ZNF566: variants seen among roughly 807,000 people sequenced by gnomAD.
The protein encoded by ZNF566 is zinc finger protein 566.
Under a neutral mutation model 32.8 loss-of-function variants are expected in ZNF566, and 27 were observed. That is an observed-to-expected ratio of 0.82 (90% confidence interval 0.61 to 1.14). The LOEUF (loss-of-function observed/expected upper bound fraction) is 1.14. Ranked by LOEUF, ZNF566 falls within the 50% of genes most tolerant of loss-of-function variation. The pLI, the probability that ZNF566 is intolerant of heterozygous loss-of-function variation, is 0.00. For missense variants in ZNF566, 402 were observed against 490.4 expected, an observed-to-expected ratio of 0.82 and a Z score of 1.70; for synonymous variants, 154 against 159.5, an observed-to-expected ratio of 0.97 and a Z score of 0.26.
In ZNF566 at chr19:36,463,268, A is replaced by C. The variant is rs147807679; in HGVS notation, c.232+9643T>G. On this transcript the variant is annotated intron_variant, in intron 4 of 4. Transcript: ENST00000452939. ...CAGTGAGCTGTGGGTTCACCACTAC[A>C]CTCCAGCTGGAATTATCTCTGTCTA... 1.8e-3 allele frequency among the ~76,000 whole-genome samples: 267 copies of C among 152,142 alleles called. 2 individuals are homozygous for C. The highest frequency in any genetic ancestry group is 2.8e-3 in the Admixed American group (42 of 15,268).
At chr19:36,455,868 T>C (rs910288837) in intron 4 of ZNF566, among the ~76,000 whole-genome samples, 1 of 151,788 alleles carries the variant, frequency 6.6e-6, no homozygotes, top group African/African-American at 2.4e-5. Context: ...GTGAAACCTC[T>C]CTCTACTAAA....
chr19:36,457,111 T>C (rs1228198526), intron 4 of ZNF566, among the ~76,000 whole-genome samples: 2 of 152,126 alleles, frequency 1.3e-5, no homozygotes, highest in Non-Finnish European at 2.9e-5. Flanking sequence ...GCATTTATGG[T>C]CATTGGATTT....
intron 2 of ZNF566, 99 bp downstream of exon 2, chr19:36,476,450 T>TC: frequency 1.7e-6 from 2 of 1,158,124 alleles, no homozygotes; most frequent in East Asian, 2.4e-5. Flanking sequence ...AAGGTGTTGT[T>TC]TTTCTAACAT....
At chr19:36,468,343 C>T (rs578124316) in intron 4 of ZNF566, among the ~76,000 whole-genome samples, 9 of 151,820 alleles carry the variant, frequency 5.9e-5, no homozygotes, top group African/African-American at 2.2e-4. Flanking sequence ...AAGTGGCTTG[C>T]TCCTGTAATC....
At chr19:36,484,262 G>A (rs2034102049) in intron 1 of ZNF566, among the ~76,000 whole-genome samples, 1 of 152,210 alleles carries the variant, frequency 6.6e-6, no homozygotes, top group Non-Finnish European at 1.5e-5. Flanking sequence ...GACTCAGCTT[G>A]TTACAGGCAC....
intron 1 of ZNF566, among the ~76,000 whole-genome samples, chr19:36,486,690 T>A (rs866120835): frequency 3.1e-3 from 338 of 109,042 alleles, no homozygotes; most frequent in Middle Eastern, 0.029. Flanking sequence ...AAAAAAAAAA[T>A]GAAAGAAAGA....
chr19:36,458,293 A>C (rs1192230945), intron 4 of ZNF566, among the ~76,000 whole-genome samples: 1 of 152,172 alleles, frequency 6.6e-6, no homozygotes, highest in Non-Finnish European at 1.5e-5. Flanking sequence ...GTGTGTATAT[A>C]TACAAATACA....
intron 4 of ZNF566, among the ~76,000 whole-genome samples, chr19:36,451,793 G>A (rs2033164667): frequency 6.6e-6 from 1 of 152,256 alleles, no homozygotes; most frequent in Non-Finnish European, 1.5e-5. Context: ...CGATCACGAG[G>A]TCAGGAGTTT....
intron 4 of ZNF566, among the ~76,000 whole-genome samples, chr19:36,454,404 T>A (rs867514665): frequency 2.4e-4 from 37 of 152,040 alleles, no homozygotes; most frequent in Middle Eastern, 3.2e-3. Context: ...ACAGTCAGGA[T>A]TAGCTCGGCA....
At chr19:36,455,896 A>G (rs1294882510) in intron 4 of ZNF566, among the ~76,000 whole-genome samples, 3 of 151,862 alleles carry the variant, frequency 2.0e-5, no homozygotes. Flanking sequence ...AAAATTAGCC[A>G]GGCATGGTGG....
intron 4 of ZNF566, among the ~76,000 whole-genome samples, chr19:36,462,407 C>T (rs1282696785): frequency 1.3e-5 from 2 of 152,022 alleles, no homozygotes; most frequent in African/African-American, 4.8e-5. Flanking sequence ...AGTCCTAACG[C>T]TGGGGCTTTA....
intron 1 of ZNF566, among the ~76,000 whole-genome samples, chr19:36,484,580 A>G (rs1464503517): frequency 6.9e-6 from 1 of 144,724 alleles, no homozygotes; most frequent in African/African-American, 2.5e-5. Flanking sequence ...GGATTTTGGC[A>G]TAGTTTCTTT....
intron 1 of ZNF566, among the ~76,000 whole-genome samples, chr19:36,488,402 A>T (rs1056002978): frequency 4.6e-5 from 7 of 152,108 alleles, no homozygotes; most frequent in East Asian, 1.9e-4. Context: ...GCCTACAAAA[A>T]TTTTTTTAAC....
At chr19:36,484,126 G>A (rs572478852) in intron 1 of ZNF566, among the ~76,000 whole-genome samples, 5 of 152,274 alleles carry the variant, frequency 3.3e-5, no homozygotes, top group South Asian at 2.1e-4. Flanking sequence ...CGCCTGCCTC[G>A]GCTTCCCAAT....
At chr19:36,453,510 AATTAATT>A (rs1568510997) in intron 4 of ZNF566, among the ~76,000 whole-genome samples, 11 of 57,696 alleles carry the variant, frequency 1.9e-4, no homozygotes, top group African/African-American at 2.6e-4. Context: ...TAAATAAATT[AATTAATT>A]AAAATAAAAT....
chr19:36,473,118 G>T, intron 3 of ZNF566, 112 bp from the exon 4 acceptor site: 1 of 1,129,892 alleles, frequency 8.9e-7, no homozygotes, highest in Non-Finnish European at 1.3e-6. Context: ...GTCAAAGAGA[G>T]GTACAACGGA....
At chr19:36,476,817 C>T (rs2033897985) in intron 1 of ZNF566, among the ~76,000 whole-genome samples, 1 of 152,050 alleles carries the variant, frequency 6.6e-6, no homozygotes, top group African/African-American at 2.4e-5. Context: ...CTCAATATGG[C>T]TTGGAGAATA....
intron 1 of ZNF566, 33 bp from the exon 2 acceptor site, chr19:36,476,649 C>A: frequency 6.5e-7 from 1 of 1,547,400 alleles, no homozygotes; most frequent in South Asian, 1.2e-5. Flanking sequence ...GATAAGACCC[C>A]ACTTTCCTCA....
chr19:36,477,553 T>TTTTTTTTTTTG (rs2033925637), intron 1 of ZNF566, among the ~76,000 whole-genome samples: 1 of 134,414 alleles, frequency 7.4e-6, no homozygotes, highest in African/African-American at 2.8e-5. Flanking sequence ...TTGTTTGTTT[T>TTTTTTTTTTTG]TTTGAGACGG....
Sources: allele counts gnomAD v4.1 joint callset (sites outside exome capture counted in the v4.1 genomes callset), GRCh38; gene constraint gnomAD v4.1.1; transcripts MANE v1.5; gene names NCBI Gene and HGNC (gene_info 2026-07-23, HGNC 2026-07-21).